ST3GAL5: variants seen among roughly 807,000 people sequenced by gnomAD.
ST3GAL5 encodes lactosylceramide alpha-2,3-sialyltransferase.
ST3GAL5 carries 25 observed loss-of-function variants against 46.1 expected under a neutral mutation model. The observed-to-expected ratio is 0.54, with a 90% CI of 0.40 to 0.76. The LOEUF (loss-of-function observed/expected upper bound fraction) is 0.76, where lower values mean the gene tolerates loss of function less well. Among genes scored for constraint, ST3GAL5 ranks in the 30% least tolerant of loss-of-function variants. The pLI, the probability that ST3GAL5 is intolerant of heterozygous loss-of-function variation, is 0.00. For synonymous variants in ST3GAL5, 182 were observed against 192.7 expected (o/e 0.94, Z 0.46); for missense variants, 431 against 521.2 (o/e 0.83, Z 1.69).
intron 1 of ST3GAL5, among the ~76,000 whole-genome samples, chr2:85,886,763 A>G (rs1277158914): frequency 6.6e-6 from 1 of 152,040 alleles, no homozygotes; most frequent in Non-Finnish European, 1.5e-5. Flanking sequence ...GATTCACCCC[A>G]CTTTGGATGC....
chr2:85,837,647 ATAAT>A lies in ST3GAL5; in HGVS notation c.*2493_*2496del, dbSNP rs1558633671. On this transcript the variant is annotated 3_prime_UTR_variant, in exon 7 of 7. Transcript: ENST00000638572. ...TCCCAGTTACACAGATTTGCTCCTT[ATAAT>A]TACACAAATGTATTACATTATCACA... is the stretch of plus-strand genomic sequence containing the variant. The A allele has an allele frequency of 6.6e-6, 1 of 152,228 alleles. No individual in the cohort carries two copies. Among genetic ancestry groups the A allele is most frequent in the Non-Finnish European group, 1.5e-5 (1 of 68,036 alleles). 9.4% of individuals were successfully genotyped at this position (152,228 alleles called of 1,614,324 possible).
At position 85,838,916 on chromosome 2, in the gene ST3GAL5, A is replaced by ATT. The variant is rs1202229608; in HGVS notation, c.*1227_*1228insAA. 2 of 152,424 alleles carry ATT rather than the reference A, an allele frequency of 1.3e-5. No homozygotes were observed. The highest frequency in any genetic ancestry group is 4.8e-5 in the African/African-American group (2 of 41,458). 9.4% of individuals were successfully genotyped at this position (152,424 alleles called of 1,614,324 possible). On this transcript the variant is annotated 3_prime_UTR_variant, in exon 7 of 7. Transcript: ENST00000638572. Reference sequence around the variant, plus strand: ...GATATCAGAGGCTAGAGCCATTAAGAGACAGAAGCTAGGGGCAGCCTGTCT... The same window carrying ATT: ...GATATCAGAGGCTAGAGCCATTAAGATTGACAGAAGCTAGGGGCAGCCTGTCT...
At chr2:85,844,685 C>G in intron 5 of ST3GAL5, 131 bp from the exon 6 acceptor site, 5 of 1,238,920 alleles carry the variant, frequency 4.0e-6, no homozygotes, top group Non-Finnish European at 5.8e-6. Flanking sequence ...GCAATCTACT[C>G]CTATAGATTG....
At position 85,868,962 on chromosome 2, in the gene ST3GAL5, G is replaced by C. The variant is rs74957225; in HGVS notation, c.83-5477C>G. Among the ~76,000 whole-genome samples the C allele has an allele frequency of 9.8e-3, 1,494 of 152,284 alleles. 17 individuals are homozygous for C. Among genetic ancestry groups the C allele is most frequent in the Non-Finnish European group, 0.014 (962 of 68,026 alleles). On this transcript the variant is annotated intron_variant, in intron 1 of 6. Coordinates refer to ENST00000638572, the MANE Select transcript of ST3GAL5 (RefSeq NM_003896.4). Reference sequence around the variant, plus strand: ...CAACAAAAAACGATCAGACTGCAGGGGAAGAGTGTTCACGTAGCCATAGGT... The same window carrying C: ...CAACAAAAAACGATCAGACTGCAGGCGAAGAGTGTTCACGTAGCCATAGGT...
At chr2:85,846,240 A>G in intron 5 of ST3GAL5, 137 bp downstream of exon 5, 1 of 807,924 alleles carries the variant, frequency 1.2e-6, no homozygotes, top group Non-Finnish European at 2.0e-6. Flanking sequence ...CTACAAAGAG[A>G]GTGATCATCA....
intron 1 of ST3GAL5, among the ~76,000 whole-genome samples, chr2:85,881,958 A>G (rs1687205193): frequency 6.6e-6 from 1 of 152,226 alleles, no homozygotes; most frequent in Non-Finnish European, 1.5e-5. Flanking sequence ...CCCAGGAGGA[A>G]AAAGTGGTTT....
chr2:85,885,314 G>C (rs946600189), intron 1 of ST3GAL5, among the ~76,000 whole-genome samples: 2 of 152,196 alleles, frequency 1.3e-5, no homozygotes, highest in African/African-American at 4.8e-5. Context: ...CCTTAGGTCA[G>C]AGGCTCTTGG....
At position 85,872,756 on chromosome 2, in the gene ST3GAL5, C is replaced by T. The variant is rs150652442; in HGVS notation, c.83-9271G>A. On this transcript the variant is annotated intron_variant, in intron 1 of 6. Coordinates refer to ENST00000638572, the MANE Select transcript of ST3GAL5 (RefSeq NM_003896.4). The stretch of plus-strand genomic sequence containing the variant: ...ACCTACCATCTGTGCACCTGGTACC[C>T]GTGCACCTAGACAGGGACCTACCAT... Among the ~76,000 whole-genome samples, 566 of 152,254 alleles carry T rather than the reference C, an allele frequency of 3.7e-3. 5 individuals carry two copies. The highest frequency in any genetic ancestry group is 0.013 in the African/African-American group (530 of 41,534).
Position 85,840,411 on chromosome 2 carries a change from G to A in ST3GAL5, c.1009-19C>T, listed in dbSNP as rs1282560009. On this transcript the variant is annotated intron_variant, in intron 6 of 6. Transcript: ENST00000638572. Reference sequence around the variant, plus strand: ...GGACGTTCTGAGAAAGGGAAAAGAAGACCAAAAAGTAAAAAAAAATTTTGG... The same window carrying A: ...GGACGTTCTGAGAAAGGGAAAAGAAAACCAAAAAGTAAAAAAAAATTTTGG... 3 of 1,613,444 alleles carry A rather than the reference G, an allele frequency of 1.9e-6. No individual in the cohort carries two copies. The East Asian group carries it at 6.7e-5, about 36-fold the overall frequency.
chr2:85,879,240 T>C (rs1686899330), intron 1 of ST3GAL5, among the ~76,000 whole-genome samples: 1 of 151,482 alleles, frequency 6.6e-6, no homozygotes, highest in South Asian at 2.1e-4. Flanking sequence ...CCAAGAGATG[T>C]GGAGGAGGAA....
intron 1 of ST3GAL5, among the ~76,000 whole-genome samples, chr2:85,863,723 T>C (rs1338742229): frequency 2.0e-5 from 3 of 151,400 alleles, no homozygotes; most frequent in Non-Finnish European, 3.0e-5. Context: ...TTTTTTTTTT[T>C]CTGAGACGGA....
rs1483274467 is a variant in ST3GAL5, at chr2:85,848,147, T to G, written c.376A>C (p.Lys126Gln). ...TCAAATAACAGCGCCATTGATGTCT[T>G]GGCAAACTTGGGACGACATTCCTTC... ...LQKECRPKFAKTSMALLFEHR... is the reference protein window; with the variant it reads ...LQKECRPKFAQTSMALLFEHR... Residue 126 changes from lysine (K) to glutamine (Q), a missense_variant, in exon 4 of 7, where the codon AAG (lysine) becomes CAG (glutamine). Transcript: ENST00000638572. 1 of 1,614,200 alleles carries G rather than the reference T, an allele frequency of 6.2e-7. No homozygotes were observed. The highest frequency in any genetic ancestry group is 2.2e-5 in the East Asian group (1 of 44,886).
chr2:85,874,652 C>A (rs1686323142), intron 1 of ST3GAL5, among the ~76,000 whole-genome samples: 1 of 152,068 alleles, frequency 6.6e-6, no homozygotes, highest in Non-Finnish European at 1.5e-5. Context: ...GCTCTCCCTA[C>A]TAAAATATAA....
rs559971908 is a variant in ST3GAL5, at chr2:85,882,029, C to T, written c.82+6795G>A. ...GCCTAGGGACTTAGTGCCCTGTGTC[C>T]CAGCCACTCCAGCCGTGGCTGAAAG... is the stretch of plus-strand genomic sequence containing the variant. On this transcript the variant is annotated intron_variant, in intron 1 of 6. Coordinates refer to ENST00000638572, the MANE Select transcript of ST3GAL5 (RefSeq NM_003896.4). Among the ~76,000 whole-genome samples, 23 of 152,338 alleles carry T rather than the reference C, an allele frequency of 1.5e-4. No individual in the cohort carries two copies. The South Asian group carries it at 1.7e-3, about 11-fold the overall frequency.
chr2:85,844,787 C>T, intron 5 of ST3GAL5: 1 of 582,834 alleles, frequency 1.7e-6, no homozygotes, highest in Admixed American at 2.8e-5. Context: ...AGATGAATTG[C>T]AGAACCAGCT....
intron 1 of ST3GAL5, among the ~76,000 whole-genome samples, chr2:85,866,645 C>A (rs1573664733): frequency 6.6e-6 from 1 of 152,354 alleles, no homozygotes; most frequent in East Asian, 1.9e-4. Context: ...TCCTTAAACC[C>A]AGCTCAAGCA....
At position 85,840,021 on chromosome 2, in the gene ST3GAL5, A is replaced by T; in HGVS notation, c.*123T>A. On this transcript the variant is annotated 3_prime_UTR_variant, in exon 7 of 7. Transcript: ENST00000638572. ...AGCTAAAATTTTTTTTGTGTTTTTA[A>T]ATTAAAAGTTAAAAACATGAGCTGC... is the stretch of plus-strand genomic sequence containing the variant. The T allele has an allele frequency of 6.8e-7, 1 of 1,471,360 alleles. No homozygotes were observed. Among genetic ancestry groups the T allele is most frequent in the Non-Finnish European group, 9.2e-7 (1 of 1,086,300 alleles). The allele number at this position is 1,471,360 out of a possible 1,614,324, so 91.1% of individuals were successfully genotyped here. A position where few individuals can be genotyped will look rare whatever the true frequency, so the allele number is the denominator to read the frequency against.
At chr2:85,886,390 G>A (rs1687765456) in intron 1 of ST3GAL5, among the ~76,000 whole-genome samples, 2 of 152,174 alleles carry the variant, frequency 1.3e-5, no homozygotes, top group South Asian at 2.1e-4. Context: ...GGGGGAGGCC[G>A]CGACTGGAGT....
rs543975519 is a variant in ST3GAL5, at chr2:85,873,828, A to G, written c.83-10343T>C. Among the ~76,000 whole-genome samples, 9 of 152,348 alleles carry G rather than the reference A, an allele frequency of 5.9e-5. No individual in the cohort carries two copies. In the South Asian group the frequency reaches 1.9e-3, roughly 32 times the overall value. ...CAACCACTGGAAGAGGCTGCAAAGC[A>G]TACAGATTCCCACACTTCATCCCCA... On this transcript the variant is annotated intron_variant, in intron 1 of 6. Coordinates refer to ENST00000638572, the MANE Select transcript of ST3GAL5 (RefSeq NM_003896.4).
Sources: allele counts gnomAD v4.1 joint callset (sites outside exome capture counted in the v4.1 genomes callset), GRCh38; gene constraint gnomAD v4.1.1; transcripts MANE v1.5; gene names NCBI Gene and HGNC (gene_info 2026-07-23, HGNC 2026-07-21).